STK32B: variants seen among roughly 807,000 people sequenced by gnomAD.
STK32B encodes the protein serine/threonine kinase 32B.
A neutral mutation model predicts 52.6 loss-of-function variants in STK32B; 43 were observed. That is an observed-to-expected ratio of 0.82 (90% confidence interval 0.64 to 1.05). The LOEUF is 1.05. Among genes scored for constraint, STK32B ranks in the 50% least tolerant of loss-of-function variants. The pLI is 0.00. For synonymous variants in STK32B, 238 were observed against 204.3 expected (o/e 1.17, Z -1.41); for missense variants, 621 against 534.6 (o/e 1.16, Z -1.59).
chr4:5,181,709 C>T (rs764269317), intron 3 of STK32B, among the ~76,000 whole-genome samples: 19 of 152,194 alleles, frequency 1.2e-4, no homozygotes, highest in Admixed American at 2.0e-4. Flanking sequence ...AAACAAGGTA[C>T]GTACCATAAT....
At chr4:5,372,523 G>A (rs1186241464) in intron 4 of STK32B, among the ~76,000 whole-genome samples, 1 of 152,068 alleles carries the variant, frequency 6.6e-6, no homozygotes, top group Non-Finnish European at 1.5e-5. Flanking sequence ...ATCCTATTAA[G>A]GAAAGTGTCA....
intron 5 of STK32B, among the ~76,000 whole-genome samples, chr4:5,408,672 G>C (rs1278024216): frequency 6.6e-6 from 1 of 152,094 alleles, no homozygotes; most frequent in Non-Finnish European, 1.5e-5. Flanking sequence ...GCTCGGCCTG[G>C]TAAGAATAAT....
At chr4:5,038,985 CTT>C in the STK32B span, among the ~76,000 whole-genome samples, 3 of 122,312 alleles carry the variant, frequency 2.5e-5, no homozygotes, top group Non-Finnish European at 3.4e-5. Context: ...AAATTTCTTT[CTT>C]TTTTTTTTTT....
Position 5,409,881 on chromosome 4 carries a change from A to C in STK32B, c.473-6964A>C, listed in dbSNP as rs975283334. On this transcript the variant is annotated intron_variant, in intron 5 of 11. Coordinates refer to ENST00000282908, the MANE Select transcript of STK32B (RefSeq NM_018401.3). ...AGCCAAATTAAATGGAACAGAAAAA[A>C]AATCAAAGGCTCATTTTATTCTTTA... 7.2e-5 allele frequency among the ~76,000 whole-genome samples: 11 copies of C among 152,168 alleles called. 1 individual carries two copies. The highest frequency in any genetic ancestry group is 5.2e-4 in the Admixed American group (8 of 15,284).
intron 3 of STK32B, among the ~76,000 whole-genome samples, chr4:5,187,013 G>A (rs569922612): frequency 4.5e-4 from 69 of 152,348 alleles, no homozygotes; most frequent in African/African-American, 1.6e-3. Context: ...TGCATGAGGA[G>A]CCAGAGGACA....
intron 3 of STK32B, among the ~76,000 whole-genome samples, chr4:5,316,270 TATATA>T (rs1424543067): frequency 5.4e-5 from 4 of 73,968 alleles, no homozygotes; most frequent in South Asian, 7.1e-4. Flanking sequence ...TTATATAGTA[TATATA>T]ATATATTATA....
intron 3 of STK32B, among the ~76,000 whole-genome samples, chr4:5,183,671 T>G (rs1034725404): frequency 2.0e-5 from 3 of 152,196 alleles, no homozygotes; most frequent in African/African-American, 4.8e-5. Context: ...AAGGCTGTTT[T>G]GTTTAATTGA....
chr4:5,198,079 A>AACTGTTCT (rs1721836101), intron 3 of STK32B, among the ~76,000 whole-genome samples: 1 of 152,084 alleles, frequency 6.6e-6, no homozygotes, highest in Non-Finnish European at 1.5e-5. Context: ...CCCTATGATG[A>AACTGTTCT]ACTGTTCTTA....
intron 1 of STK32B, among the ~76,000 whole-genome samples, chr4:5,130,876 A>T (rs552498277): frequency 8.5e-5 from 13 of 152,170 alleles, no homozygotes; most frequent in Admixed American, 4.6e-4. Flanking sequence ...TTTTCCTGAA[A>T]TCCTTTCTTC....
chr4:5,107,967 G>A (rs932637557), intron 1 of STK32B, among the ~76,000 whole-genome samples: 1 of 152,108 alleles, frequency 6.6e-6, no homozygotes, highest in Non-Finnish European at 1.5e-5. Flanking sequence ...AGTCCTCACA[G>A]GGTGAACACA....
chr4:5,148,736 C>A (rs548733533), intron 2 of STK32B, among the ~76,000 whole-genome samples: 18 of 151,752 alleles, frequency 1.2e-4, no homozygotes, highest in Non-Finnish European at 2.4e-4. Flanking sequence ...AAATATTAGT[C>A]CAGTCAAAGT....
At chr4:5,249,119 A>G (rs887543447) in intron 3 of STK32B, among the ~76,000 whole-genome samples, 2 of 152,158 alleles carry the variant, frequency 1.3e-5, no homozygotes, top group African/African-American at 2.4e-5. Context: ...TTCTGTATCA[A>G]TACTTTTGCA....
At chr4:5,106,749 T>C (rs1244455092) in intron 1 of STK32B, among the ~76,000 whole-genome samples, 1 of 152,228 alleles carries the variant, frequency 6.6e-6, no homozygotes, top group Non-Finnish European at 1.5e-5. Context: ...AATATTGCTT[T>C]TCCATGCTAT....
intron 6 of STK32B, among the ~76,000 whole-genome samples, chr4:5,429,695 T>G (rs984613004): frequency 1.3e-5 from 2 of 152,188 alleles, no homozygotes; most frequent in African/African-American, 4.8e-5. Flanking sequence ...ATTTTCTAGC[T>G]GTTATTATAT....
rs760867444 is a variant in STK32B at position 5,460,590 on chromosome 4, T to C, written c.909+362T>C. 6.6e-6 allele frequency among the ~76,000 whole-genome samples: 1 copy of C among 152,108 alleles called. No individual in the cohort carries two copies. The highest frequency in any genetic ancestry group is 1.5e-5 in the Non-Finnish European group (1 of 68,012). The stretch of plus-strand genomic sequence containing the variant: ...GCAATGACCTACCCCGACAGGGCAG[T>C]CAGCACTTGTTGCACAAGCTCGGAA... On this transcript the variant is annotated intron_variant, in intron 9 of 11. Transcript: ENST00000282908. This position sits in a 1 kb window ranked among gnomAD's most constrained non-coding sequence, Gnocchi z 4.8.
chr4:5,447,077 C>T (rs1715524231), intron 7 of STK32B: 2 of 256,736 alleles, frequency 7.8e-6, no homozygotes, highest in Non-Finnish European at 7.6e-6. Flanking sequence ...GTTTCAAACA[C>T]TGTCCTCTTT....
At position 5,058,094 on chromosome 4, in the gene STK32B, G is replaced by GAGT. The variant is rs909003477; in HGVS notation, c.52+6181_52+6183dup. ...GTCCTTGATTTTTGTGACCTCCTTG[G>GAGT]AGTACCCTTATGCATTGAAGATTTT... On this transcript the variant is annotated intron_variant, in intron 1 of 11. Coordinates refer to ENST00000282908, the MANE Select transcript of STK32B (RefSeq NM_018401.3). This position sits in a 1 kb window ranked among gnomAD's most constrained non-coding sequence, Gnocchi z 4.8. 6.6e-6 allele frequency among the ~76,000 whole-genome samples: 1 copy of GAGT among 152,118 alleles called. No homozygotes were observed. The highest frequency in any genetic ancestry group is 2.4e-5 in the African/African-American group (1 of 41,414).
At chr4:5,044,854 T>A in the STK32B span, among the ~76,000 whole-genome samples, 9 of 152,290 alleles carry the variant, frequency 5.9e-5, no homozygotes, top group Admixed American at 4.6e-4. Context: ...GAGGCTGCAG[T>A]GAGCCATGAT....
chr4:5,221,489 A>T (rs1041622651), intron 3 of STK32B, among the ~76,000 whole-genome samples: 1 of 152,172 alleles, frequency 6.6e-6, no homozygotes, highest in Non-Finnish European at 1.5e-5. Context: ...AATAAAGATA[A>T]TCTGTCTTTT....
Sources: allele counts gnomAD v4.1 joint callset (sites outside exome capture counted in the v4.1 genomes callset), GRCh38; gene constraint gnomAD v4.1.1; non-coding constraint Gnocchi (gnomAD v3.1); transcripts MANE v1.5; gene names NCBI Gene and HGNC (gene_info 2026-07-23, HGNC 2026-07-21).